ZNF534: variants seen among roughly 807,000 people sequenced by gnomAD.
ZNF534 encodes KRAB domain only 3.
A neutral mutation model predicts 13.6 loss-of-function variants in ZNF534; 19 were observed. The observed-to-expected ratio is 1.40, with a 90% confidence interval of 0.97 to 2.05. The LOEUF (loss-of-function observed/expected upper bound fraction) is 2.05, where lower values mean the gene tolerates loss of function less well. Among genes scored for constraint, ZNF534 ranks in the 30% most tolerant of loss-of-function variants. The pLI, the probability that ZNF534 is intolerant of heterozygous loss-of-function variation, is 0.00. For missense variants in ZNF534, 782 were observed against 796.3 expected (o/e 0.98, Z 0.22); for synonymous variants, 244 against 273.8 (o/e 0.89, Z 1.07).
At chr19:52,432,524 A>G (rs957643853) in intron 2 of ZNF534, among the ~76,000 whole-genome samples, 15 of 152,320 alleles carry the variant, frequency 9.8e-5, no homozygotes, top group South Asian at 8.3e-4. Flanking sequence ...CAGTTAGTTC[A>G]TGTAAATCAT....
At chr19:52,449,634 T>C (rs2059206082) in intron 4 of ZNF534, among the ~76,000 whole-genome samples, 1 of 152,206 alleles carries the variant, frequency 6.6e-6, no homozygotes, top group Non-Finnish European at 1.5e-5. Flanking sequence ...ATTAGTGATG[T>C]TGAGCATTTT....
In ZNF534 at chr19:52,440,913, TC is replaced by T. The variant is rs1000947164; in HGVS notation, c.*1472del. 1.3e-5 allele frequency among the ~76,000 whole-genome samples: 2 copies of T among 150,802 alleles called. No individual in the cohort carries two copies. Among genetic ancestry groups the T allele is most frequent in the African/African-American group, 4.9e-5 (2 of 40,790 alleles). ...TGGAGATAAGTCTTTTTTTTTTTTTTCCCCCGAAACAAGAGTCTCGCTCTGA... is the reference window on the plus strand; with the variant it reads ...TGGAGATAAGTCTTTTTTTTTTTTTTCCCCGAAACAAGAGTCTCGCTCTGA... On this transcript the variant is annotated 3_prime_UTR_variant, in exon 5 of 5. Coordinates refer to ENST00000433050, the MANE Select transcript of ZNF534 (RefSeq NM_001143938.3).
rs956953731 is a variant in ZNF534, at chr19:52,440,717, G to A, written c.*1271G>A. ...AATCACTTAAACCCAGGAGATGGAG[G>A]TTGCAGTGAGCCAAGAATGCGCTAC... On this transcript the variant is annotated 3_prime_UTR_variant, in exon 5 of 5. Coordinates refer to ENST00000433050, the MANE Select transcript of ZNF534 (RefSeq NM_001143938.3). Among the ~76,000 whole-genome samples, 2 of 151,622 alleles carry A rather than the reference G, an allele frequency of 1.3e-5. No individual in the cohort carries two copies. The highest frequency in any genetic ancestry group is 2.4e-5 in the African/African-American group (1 of 41,236).
downstream of ZNF534, among the ~76,000 whole-genome samples, chr19:52,444,406 A>G (rs906794336): frequency 6.6e-6 from 1 of 152,104 alleles, no homozygotes. Context: ...TGTAGGTGGC[A>G]GGGGGACGAA....
chr19:52,434,481 AAAAAAG>A (rs964281783), intron 3 of ZNF534, among the ~76,000 whole-genome samples: 28 of 151,390 alleles, frequency 1.8e-4, no homozygotes, highest in African/African-American at 6.5e-4. Flanking sequence ...AAAAAAAAAA[AAAAAAG>A]AAATGAAAAG....
At chr19:52,451,462 C>G (rs537533045) in exon 5 of ZNF534, 1 of 588,422 alleles carries the variant, frequency 1.7e-6, no homozygotes, top group South Asian at 2.0e-5. Context: ...CGCTGTCCAG[C>G]GTTGGCCGCC....
rs982642633 is a variant in ZNF534 at position 52,440,079 on chromosome 19, A to G, written c.*633A>G. 2.0e-5 allele frequency among the ~76,000 whole-genome samples: 3 copies of G among 152,216 alleles called. No individual in the cohort carries two copies. The highest frequency in any genetic ancestry group is 7.2e-5 in the African/African-American group (3 of 41,448). On this transcript the variant is annotated 3_prime_UTR_variant, in exon 5 of 5. Transcript: ENST00000433050. ...GCAAAACTCTTTCTTTAAAAACAAAACAAAAAAAGTTATGAAGCCTCACAA... is the reference window on the plus strand; with the variant it reads ...GCAAAACTCTTTCTTTAAAAACAAAGCAAAAAAAGTTATGAAGCCTCACAA...
rs1192186586 is a variant in ZNF534 at position 52,440,460 on chromosome 19, C to G, written c.*1014C>G. On this transcript the variant is annotated 3_prime_UTR_variant, in exon 5 of 5. Coordinates refer to ENST00000433050, the MANE Select transcript of ZNF534 (RefSeq NM_001143938.3). ...GTAGCAAATATGGCAAAGTCAAAGTCACAATTCACATCTTGCACATCAAAT... is the reference window on the plus strand; with the variant it reads ...GTAGCAAATATGGCAAAGTCAAAGTGACAATTCACATCTTGCACATCAAAT... Among the ~76,000 whole-genome samples, 1 of 152,154 alleles carries G rather than the reference C, an allele frequency of 6.6e-6. No individual in the cohort carries two copies. Among genetic ancestry groups the G allele is most frequent in the Non-Finnish European group, 1.5e-5 (1 of 68,028 alleles).
chr19:52,433,368 C>CTT (rs3070431), intron 2 of ZNF534, among the ~76,000 whole-genome samples: 124,799 of 150,354 alleles, frequency 0.83, 52,205 homozygotes, highest in Non-Finnish European at 0.89. Flanking sequence ...ATTTCTTTCT[C>CTT]TTTTTGGGGG....
downstream of ZNF534, among the ~76,000 whole-genome samples, chr19:52,446,785 G>C (rs1426940437): frequency 1.3e-5 from 2 of 152,178 alleles, no homozygotes; most frequent in African/African-American, 4.8e-5. Context: ...TTGAGCAAGG[G>C]AGATGGAGGC....
At position 52,440,945 on chromosome 19, in the gene ZNF534, A is replaced by G. The variant is rs1314811982; in HGVS notation, c.*1499A>G. On this transcript the variant is annotated 3_prime_UTR_variant, in exon 5 of 5. Transcript: ENST00000433050. Reference sequence around the variant, plus strand: ...AAACAAGAGTCTCGCTCTGATGCCCAGGCTGGAGTGCAGTGGTGTAATCTC... The same window carrying G: ...AAACAAGAGTCTCGCTCTGATGCCCGGGCTGGAGTGCAGTGGTGTAATCTC... Among the ~76,000 whole-genome samples the G allele has an allele frequency of 6.7e-6, 1 of 149,692 alleles. No homozygotes were observed.
intron 2 of ZNF534, among the ~76,000 whole-genome samples, chr19:52,432,728 C>G (rs112193109): frequency 0.14 from 21,004 of 151,590 alleles, 1,789 homozygotes; most frequent in African/African-American, 0.25. Flanking sequence ...TGCCTCCTGG[C>G]TTCAAGCCAT....
At chr19:52,449,086 G>A (rs935296538) in intron 4 of ZNF534, among the ~76,000 whole-genome samples, 1 of 152,112 alleles carries the variant, frequency 6.6e-6, no homozygotes, top group Admixed American at 6.6e-5. Context: ...CCACATACGA[G>A]TGAGAGTATG....
intron 1 of ZNF534, among the ~76,000 whole-genome samples, chr19:52,430,167 C>T (rs2059077989): frequency 1.3e-5 from 2 of 151,648 alleles, no homozygotes; most frequent in South Asian, 4.2e-4. Flanking sequence ...AGGTGTCCAC[C>T]ACCACGGCCG....
Position 52,439,495 on chromosome 19 carries a change from G to C in ZNF534, c.*49G>C, listed in dbSNP as rs760125223. The C allele has an allele frequency of 4.8e-6, 7 of 1,462,924 alleles. No individual in the cohort carries two copies. The highest frequency in any genetic ancestry group is 6.3e-6 in the Non-Finnish European group (7 of 1,104,200). The allele number at this position is 1,462,924 out of a possible 1,614,324, so 90.6% of individuals were successfully genotyped here. ...GCAGTGGCTCACGTCTGTAATCCCA[G>C]CACTTTGGGAGTCCGAGGCAGGTGG... On this transcript the variant is annotated 3_prime_UTR_variant, in exon 5 of 5. Coordinates refer to ENST00000433050, the MANE Select transcript of ZNF534 (RefSeq NM_001143938.3).
downstream of ZNF534, among the ~76,000 whole-genome samples, chr19:52,444,686 G>T (rs1161767668): frequency 1.3e-5 from 2 of 152,030 alleles, no homozygotes; most frequent in Non-Finnish European, 2.9e-5. Context: ...GCTGCTGTGG[G>T]GGATGGGGTT....
chr19:52,451,851 A>G, exon 5 of ZNF534: 1 of 773,498 alleles, frequency 1.3e-6, no homozygotes, highest in Non-Finnish European at 2.2e-6. Flanking sequence ...CTCATTTGTG[A>G]ACGGATTTTT....
In ZNF534 at chr19:52,441,718, G is replaced by A. The variant is rs560079908; in HGVS notation, c.*2272G>A. Reference sequence around the variant, plus strand: ...AATGAATGTGGCAAGGTCTCAAATTGAAATTCACATCTTGCGAATCACCAC... The same window carrying A: ...AATGAATGTGGCAAGGTCTCAAATTAAAATTCACATCTTGCGAATCACCAC... On this transcript the variant is annotated 3_prime_UTR_variant, in exon 5 of 5. Coordinates refer to ENST00000433050, the MANE Select transcript of ZNF534 (RefSeq NM_001143938.3). Among the ~76,000 whole-genome samples the A allele has an allele frequency of 6.6e-6, 1 of 152,246 alleles. No homozygotes were observed. The highest frequency in any genetic ancestry group is 2.1e-4 in the South Asian group (1 of 4,822).
downstream of ZNF534, among the ~76,000 whole-genome samples, chr19:52,443,803 G>A (rs1568448571): frequency 2.0e-5 from 3 of 151,690 alleles, no homozygotes; most frequent in Non-Finnish European, 2.9e-5. Flanking sequence ...TCTTTCTTCT[G>A]CTTGTTTAAT....
Sources: allele counts gnomAD v4.1 joint callset (sites outside exome capture counted in the v4.1 genomes callset), GRCh38; gene constraint gnomAD v4.1.1; transcripts MANE v1.5; gene names NCBI Gene and HGNC (gene_info 2026-07-23, HGNC 2026-07-21).